RPLP1: variants seen among roughly 807,000 people sequenced by gnomAD.
RPLP1 encodes the protein ribosomal protein lateral stalk subunit P1.
RPLP1 carries 4 observed loss-of-function variants against 11.6 expected under a neutral mutation model. That is an observed-to-expected ratio of 0.34 (90% CI 0.17 to 0.79). The LOEUF (loss-of-function observed/expected upper bound fraction) is 0.79, where lower values mean the gene tolerates loss of function less well. Among genes scored for constraint, RPLP1 ranks in the 30% least tolerant of loss-of-function variants. RPLP1 has a pLI of 0.55. For synonymous variants in RPLP1, 54 were observed against 52.2 expected, an observed-to-expected ratio of 1.03 and a Z score of -0.15; for missense variants, 133 against 142.8, an observed-to-expected ratio of 0.93 and a Z score of 0.35.
chr15:69,453,216 G>A, intron 1 of RPLP1, 196 bp downstream of exon 1: 1 of 602,496 alleles, frequency 1.7e-6, no homozygotes, highest in Non-Finnish European at 2.9e-6. Flanking sequence ...GGGACCACGT[G>A]CGGGCCCAGC....
intron 1 of RPLP1, 133 bp from the exon 2 acceptor site, chr15:69,453,514 C>T (rs1161285036): frequency 2.0e-6 from 2 of 981,236 alleles, no homozygotes; most frequent in East Asian, 5.0e-5. Context: ...GCGCCTGGCA[C>T]ACATCTCTTT....
At chr15:69,455,018 A>T (rs1382997576) in intron 2 of RPLP1, 152 bp from the exon 3 acceptor site, 54 of 1,134,322 alleles carry the variant, frequency 4.8e-5, no homozygotes, top group Non-Finnish European at 6.0e-5. Context: ...TTATTTTTCC[A>T]CTGTTGAATC....
rs1300203730 is a variant in RPLP1 at position 69,455,667 on chromosome 15, G to A, written c.*160G>A. On this transcript the variant is annotated 3_prime_UTR_variant, in exon 4 of 4. Coordinates refer to ENST00000260379, the MANE Select transcript of RPLP1 (RefSeq NM_001003.3). ...TGGATTTTCCCTGCCACCATTGCCGGATGTGAGATTTAGACAATCCTGATG... is the reference window on the plus strand; with the variant it reads ...TGGATTTTCCCTGCCACCATTGCCGAATGTGAGATTTAGACAATCCTGATG... 6.5e-6 allele frequency: 4 copies of A among 618,030 alleles called. No homozygotes were observed. Among genetic ancestry groups the A allele is most frequent in the Non-Finnish European group, 1.1e-5 (4 of 355,784 alleles). The allele number at this position is 618,030 out of a possible 1,614,324, so 38.3% of individuals were successfully genotyped here.
chr15:69,453,291 C>A (rs1340554356), intron 1 of RPLP1: 5 of 579,754 alleles, frequency 8.6e-6, no homozygotes, highest in African/African-American at 5.8e-5. Flanking sequence ...AAAAGCTCTT[C>A]CGCAGTGCTT....
Position 69,452,876 on chromosome 15 carries a change from T to G in RPLP1, c.-73T>G. 7.2e-7 allele frequency: 1 copy of G among 1,379,722 alleles called. No individual in the cohort carries two copies. The highest frequency in any genetic ancestry group is 1.2e-5 in the South Asian group (1 of 80,852). 85.5% of individuals were successfully genotyped at this position (1,379,722 alleles called of 1,614,324 possible). On this transcript the variant is annotated 5_prime_UTR_variant, in exon 1 of 4. Coordinates refer to ENST00000260379, the MANE Select transcript of RPLP1 (RefSeq NM_001003.3). ...CCTTCCGAGGAAGCTAAGGCTGCGTTGGGGTGAGGCCCTCACTTCATCCGG... is the reference window on the plus strand; with the variant it reads ...CCTTCCGAGGAAGCTAAGGCTGCGTGGGGGTGAGGCCCTCACTTCATCCGG...
At chr15:69,455,113 T>C in intron 2 of RPLP1, 57 bp from the exon 3 acceptor site, 1 of 1,505,182 alleles carries the variant, frequency 6.6e-7, no homozygotes, top group East Asian at 2.3e-5. Context: ...TTTGGCTGCG[T>C]GAGTGCTTAA....
At chr15:69,453,607 AC>A (rs776381184) in intron 1 of RPLP1, 39 bp from the exon 2 acceptor site, 2 of 1,602,694 alleles carry the variant, frequency 1.2e-6, no homozygotes, top group South Asian at 1.1e-5. Context: ...GATATTACAT[AC>A]GCTACGTTTT....
chr15:69,455,601 T>C lies in RPLP1; in HGVS notation c.*94T>C, dbSNP rs1453828595. Reference sequence around the variant, plus strand: ...ATGTGCTCTGCAAAAATGGTCTGTTTTGTAATGTTGGCTTTCAGCCTATTC... The same window carrying C: ...ATGTGCTCTGCAAAAATGGTCTGTTCTGTAATGTTGGCTTTCAGCCTATTC... On this transcript the variant is annotated 3_prime_UTR_variant, in exon 4 of 4. Transcript: ENST00000260379. 10 of 929,134 alleles carry C rather than the reference T, an allele frequency of 1.1e-5. No individual in the cohort carries two copies. Among genetic ancestry groups the C allele is most frequent in the Non-Finnish European group, 1.6e-5 (10 of 620,858 alleles). 57.6% of individuals were successfully genotyped at this position (929,134 alleles called of 1,614,324 possible). A position where few individuals can be genotyped will look rare whatever the true frequency, so the allele number is the denominator to read the frequency against.
chr15:69,453,066 A>G (rs1307252089), intron 1 of RPLP1, 46 bp downstream of exon 1: 1 of 1,507,210 alleles, frequency 6.6e-7, no homozygotes, highest in Non-Finnish European at 9.0e-7. Flanking sequence ...GTGGGCGGTG[A>G]CTTTCGGCTC....
In RPLP1 at chr15:69,452,944, G is replaced by C. The variant is rs1385127782; in HGVS notation, c.-5G>C. The stretch of plus-strand genomic sequence containing the variant: ...GGCAGCGCCAGCCCTACACTCGCCC[G>C]CGCCATGGCCTCTGTCTCCGAGCTC... On this transcript the variant is annotated 5_prime_UTR_variant, in exon 1 of 4. Coordinates refer to ENST00000260379, the MANE Select transcript of RPLP1 (RefSeq NM_001003.3). 1 of 1,571,628 alleles carries C rather than the reference G, an allele frequency of 6.4e-7. No individual in the cohort carries two copies. Among genetic ancestry groups the C allele is most frequent in the Non-Finnish European group, 8.6e-7 (1 of 1,160,962 alleles).
intron 1 of RPLP1, chr15:69,453,306 A>C (rs1339029890): frequency 1.7e-6 from 1 of 577,198 alleles, no homozygotes; most frequent in Non-Finnish European, 3.1e-6. Flanking sequence ...GTGCTTGGGC[A>C]CCCTGACCCG....
chr15:69,455,036 G>A lies in RPLP1; in HGVS notation c.148-134G>A, dbSNP rs905963237. Reference sequence around the variant, plus strand: ...TTTTTCCACTGTTGAATCCATGGATGTGGAACTCACTGTATATAGTGTTAG... The same window carrying A: ...TTTTTCCACTGTTGAATCCATGGATATGGAACTCACTGTATATAGTGTTAG... On this transcript the variant is annotated intron_variant, in intron 2 of 3. Coordinates refer to ENST00000260379, the MANE Select transcript of RPLP1 (RefSeq NM_001003.3). 10 of 1,274,840 alleles carry A rather than the reference G, an allele frequency of 7.8e-6. No homozygotes were observed. The Admixed American group carries it at 1.4e-4, about 18-fold the overall frequency. The allele number at this position is 1,274,840 out of a possible 1,614,324, so 79.0% of individuals were successfully genotyped here.
At chr15:69,453,585 C>A in intron 1 of RPLP1, 62 bp from the exon 2 acceptor site, 1 of 1,523,836 alleles carries the variant, frequency 6.6e-7, no homozygotes, top group Non-Finnish European at 9.1e-7. Flanking sequence ...GAGTGACGTG[C>A]AGCATTTTGG....
intron 2 of RPLP1, 24 bp from the exon 3 acceptor site, chr15:69,455,146 C>T (rs1274437562): frequency 7.1e-6 from 11 of 1,540,076 alleles, no homozygotes; most frequent in East Asian, 2.3e-5. Context: ...TGGGCGTTTA[C>T]CTATGCATGC....
rs1383168707 is a variant in RPLP1, at chr15:69,452,926, C to T, written c.-23C>T. ...GCGACTAGCACCGCGTCCGGCAGCGCCAGCCCTACACTCGCCCGCGCCATG... is the reference window on the plus strand; with the variant it reads ...GCGACTAGCACCGCGTCCGGCAGCGTCAGCCCTACACTCGCCCGCGCCATG... On this transcript the variant is annotated 5_prime_UTR_variant, in exon 1 of 4. Coordinates refer to ENST00000260379, the MANE Select transcript of RPLP1 (RefSeq NM_001003.3). 8 of 1,564,916 alleles carry T rather than the reference C, an allele frequency of 5.1e-6. No individual in the cohort carries two copies. Among genetic ancestry groups the T allele is most frequent in the Non-Finnish European group, 6.9e-6 (8 of 1,157,558 alleles).
At position 69,455,478 on chromosome 15, in the gene RPLP1, G is replaced by C; in HGVS notation, c.316G>C (p.Asp106His). ...GAAAGAAGAATCCGAGGAGTCTGAT[G>C]ATGACATGGGCTTTGGTCTTTTTGA... ...AKKEESEESDDDMGFGLFD is the reference protein window; with the variant it reads ...AKKEESEESDHDMGFGLFD The change falls in exon 4 of 4, where the codon GAT becomes CAT. Residue 106 changes from aspartate (D) to histidine (H), a missense_variant. Transcript: ENST00000260379. The C allele has an allele frequency of 6.2e-7, 1 of 1,610,250 alleles. No homozygotes were observed.
Position 69,453,601 on chromosome 15 carries a change from T to C in RPLP1, c.73-46T>C, listed in dbSNP as rs755257704. 2.9e-5 allele frequency: 46 copies of C among 1,591,014 alleles called. 1 individual carries two copies. The highest frequency in any genetic ancestry group is 1.1e-4 in the South Asian group (10 of 90,650). On this transcript the variant is annotated intron_variant, in intron 1 of 3. Transcript: ENST00000260379. ...AGTGACGTGCAGCATTTTGGAGATA[T>C]TACATACGCTACGTTTTGATGGATT...
chr15:69,455,407 T>A, intron 3 of RPLP1, 21 bp from the exon 4 acceptor site: 7 of 1,600,240 alleles, frequency 4.4e-6, no homozygotes, highest in Non-Finnish European at 5.1e-6. Flanking sequence ...TCCTAACACC[T>A]GATTGACTTT....
chr15:69,453,202 C>A (rs1348627792), intron 1 of RPLP1, 182 bp downstream of exon 1: 1 of 618,532 alleles, frequency 1.6e-6, no homozygotes, highest in African/African-American at 1.9e-5. Flanking sequence ...GGTCCTGGGC[C>A]CCCGGGACCA....
Sources: allele counts gnomAD v4.1 joint callset, GRCh38; gene constraint gnomAD v4.1.1; transcripts MANE v1.5; gene names NCBI Gene and HGNC (gene_info 2026-07-23, HGNC 2026-07-21).